Variants in EFCAB14 observed in about 807,000 individuals in gnomAD.
EFCAB14 encodes the protein EF-hand calcium binding domain 14.
Under a neutral mutation model 56.5 loss-of-function variants are expected in EFCAB14, and 43 were observed. The observed-to-expected ratio is 0.76, with a 90% CI of 0.60 to 0.98. EFCAB14 has a LOEUF of 0.98. EFCAB14 is among the 50% of genes least tolerant of loss of function. The pLI is 0.00. For missense variants in EFCAB14, 538 were observed against 580.3 expected (o/e 0.93, Z 0.75); for synonymous variants, 235 against 212.9 (o/e 1.10, Z -0.90).
intron 4 of EFCAB14, among the ~76,000 whole-genome samples, chr1:46,695,756 T>A (rs1297534807): frequency 1.3e-5 from 2 of 152,174 alleles, no homozygotes; most frequent in African/African-American, 4.8e-5. Context: ...CACAGCTCAC[T>A]GTAGCCTCAA....
intron 9 of EFCAB14, 75 bp downstream of exon 9, chr1:46,684,416 C>T: frequency 8.2e-7 from 1 of 1,212,154 alleles, no homozygotes. Context: ...TGCTGGAACA[C>T]CTTCCCTGCT....
chr1:46,689,744 TTAAC>T (rs1277352804), intron 5 of EFCAB14, 53 bp from the exon 6 acceptor site: 5 of 1,478,314 alleles, frequency 3.4e-6, no homozygotes, highest in African/African-American at 2.8e-5. Flanking sequence ...TTAGGTCTAC[TTAAC>T]TATCTGAGAT....
Position 46,696,659 on chromosome 1 carries a change from A to G in EFCAB14, c.481-10T>C. On this transcript the variant is annotated splice_polypyrimidine_tract_variant and intron_variant, in intron 3 of 10. Coordinates refer to ENST00000371933, the MANE Select transcript of EFCAB14 (RefSeq NM_014774.3). The stretch of plus-strand genomic sequence containing the variant: ...AAGTCAACAGAGAAATCTGAACAAA[A>G]AAGAGTAACAAACAATGAAAACAAA... 1.9e-6 allele frequency: 3 copies of G among 1,611,284 alleles called. No individual in the cohort carries two copies. The highest frequency in any genetic ancestry group is 2.5e-6 in the Non-Finnish European group (3 of 1,177,720).
In EFCAB14 at chr1:46,683,354, C is replaced by T; in HGVS notation, c.1258G>A (p.Glu420Lys). Residue 420 changes from glutamate (E) to lysine (K), a missense_variant, in exon 10 of 11, where the codon GAG (glutamate) becomes AAG (lysine). Coordinates refer to ENST00000371933, the MANE Select transcript of EFCAB14 (RefSeq NM_014774.3). Reference sequence around the variant, plus strand: ...ATAGGTCTTAGTTGGGCAGCTTTCTCAACTGGGTCTCCAAGAAACTGTGAA... The same window carrying T: ...ATAGGTCTTAGTTGGGCAGCTTTCTTAACTGGGTCTCCAAGAAACTGTGAA... ...KFSQFLGDPV[E>K]KAAQLRPISL... The T allele has an allele frequency of 1.9e-6, 3 of 1,614,068 alleles. No individual in the cohort carries two copies. The highest frequency in any genetic ancestry group is 1.7e-6 in the Non-Finnish European group (2 of 1,179,982).
At position 46,688,337 on chromosome 1, in the gene EFCAB14, A is replaced by T; in HGVS notation, c.987+16T>A. On this transcript the variant is annotated intron_variant, in intron 7 of 10. Coordinates refer to ENST00000371933, the MANE Select transcript of EFCAB14 (RefSeq NM_014774.3). ...CAAAACACACTGCATGTCACAAAAGATCAGAAAAGGCTTACCATGCTGAAG... is the reference window on the plus strand; with the variant it reads ...CAAAACACACTGCATGTCACAAAAGTTCAGAAAAGGCTTACCATGCTGAAG... The T allele has an allele frequency of 1.2e-6, 2 of 1,610,510 alleles. No individual in the cohort carries two copies.
intron 2 of EFCAB14, among the ~76,000 whole-genome samples, chr1:46,708,985 T>C (rs1450081264): frequency 3.3e-5 from 5 of 151,966 alleles, no homozygotes; most frequent in African/African-American, 4.8e-5. Flanking sequence ...TTAGTTATTA[T>C]ATGCTTCCTT....
At chr1:46,689,077 C>A (rs1441280370) in intron 6 of EFCAB14, among the ~76,000 whole-genome samples, 2 of 152,194 alleles carry the variant, frequency 1.3e-5, no homozygotes, top group African/African-American at 4.8e-5. Context: ...AAACTCAGGA[C>A]AGGAATTCTT....
At position 46,718,684 on chromosome 1, in the gene EFCAB14, G is replaced by C. The variant is rs947030628; in HGVS notation, c.-597C>G. 6.6e-6 allele frequency: 1 copy of C among 152,526 alleles called. No individual in the cohort carries two copies. Among genetic ancestry groups the C allele is most frequent in the Non-Finnish European group, 1.5e-5 (1 of 68,314 alleles). 9.4% of individuals were successfully genotyped at this position (152,526 alleles called of 1,614,324 possible). A position where few individuals can be genotyped will look rare whatever the true frequency, so the allele number is the denominator to read the frequency against. ...ACAATCCCAACACTGCTTGGCCGCA[G>C]AGAAAATGCCCTGGCCAGGAAGCCG... On this transcript the variant is annotated 5_prime_UTR_variant, in exon 1 of 11. Transcript: ENST00000371933.
At chr1:46,699,720 T>C (rs1052979977) in intron 3 of EFCAB14, among the ~76,000 whole-genome samples, 1 of 152,244 alleles carries the variant, frequency 6.6e-6, no homozygotes, top group Admixed American at 6.5e-5. Flanking sequence ...TTTCAAAATA[T>C]GTCTACAAAT....
intron 10 of EFCAB14, among the ~76,000 whole-genome samples, chr1:46,681,298 A>G (rs544944573): frequency 2.6e-5 from 4 of 152,326 alleles, no homozygotes; most frequent in Non-Finnish European, 5.9e-5. Context: ...TGTCCCCATA[A>G]TCAAATAGAA....
chr1:46,683,514 G>A (rs1676830542), intron 9 of EFCAB14, 89 bp from the exon 10 acceptor site: 8 of 1,313,262 alleles, frequency 6.1e-6, no homozygotes, highest in Non-Finnish European at 8.4e-6. Context: ...AGGAAAATTG[G>A]ATATACAATT....
At chr1:46,701,478 G>A (rs778529776) in intron 3 of EFCAB14, among the ~76,000 whole-genome samples, 5 of 152,200 alleles carry the variant, frequency 3.3e-5, no homozygotes, top group Non-Finnish European at 7.3e-5. Context: ...GGAAGAAGCT[G>A]TTCTTTGGGT....
At chr1:46,710,850 T>C (rs2148850410) in intron 2 of EFCAB14, among the ~76,000 whole-genome samples, 1 of 152,246 alleles carries the variant, frequency 6.6e-6, no homozygotes, top group Non-Finnish European at 1.5e-5. Context: ...CCATACCCAG[T>C]GAGATAAACT....
chr1:46,700,286 T>A (rs894294897), intron 3 of EFCAB14, among the ~76,000 whole-genome samples: 2 of 152,166 alleles, frequency 1.3e-5, no homozygotes, highest in African/African-American at 4.8e-5. Flanking sequence ...AGATGAAATA[T>A]CAAATAAGTG....
intron 3 of EFCAB14, among the ~76,000 whole-genome samples, chr1:46,707,000 T>G (rs1677241898): frequency 1.3e-5 from 2 of 152,198 alleles, no homozygotes; most frequent in Admixed American, 1.3e-4. Context: ...TGGTCTTAAG[T>G]GCTGAACTGC....
At chr1:46,715,037 A>G (rs1009700132) in intron 2 of EFCAB14, among the ~76,000 whole-genome samples, 3 of 152,204 alleles carry the variant, frequency 2.0e-5, no homozygotes, top group Non-Finnish European at 4.4e-5. Flanking sequence ...CTTTAAAATG[A>G]TAACACTCAT....
chr1:46,689,008 TC>T (rs1385449558), intron 6 of EFCAB14, among the ~76,000 whole-genome samples: 1 of 152,226 alleles, frequency 6.6e-6, no homozygotes, highest in Non-Finnish European at 1.5e-5. Context: ...TTTACTGACA[TC>T]CTCCAGTACT....
In EFCAB14 at chr1:46,683,440, T is replaced by C. The variant is rs1676828816; in HGVS notation, c.1187-15A>G. ...CTCTACTTGCTCTGTAACAAATACA[T>C]AAGGTTTTATTTAGTATTATTGAAT... On this transcript the variant is annotated splice_polypyrimidine_tract_variant and intron_variant, in intron 9 of 10. Coordinates refer to ENST00000371933, the MANE Select transcript of EFCAB14 (RefSeq NM_014774.3). 2 of 1,611,120 alleles carry C rather than the reference T, an allele frequency of 1.2e-6. No homozygotes were observed. Among genetic ancestry groups the C allele is most frequent in the Non-Finnish European group, 1.7e-6 (2 of 1,178,978 alleles).
At chr1:46,707,255 G>A (rs762599000) in intron 3 of EFCAB14, among the ~76,000 whole-genome samples, 2 of 152,196 alleles carry the variant, frequency 1.3e-5, no homozygotes, top group Non-Finnish European at 2.9e-5. Context: ...AATGGAAAAA[G>A]TAGGGATGGG....
Sources: gnomAD v4.1 joint callset for allele counts (sites outside exome capture counted in the v4.1 genomes callset) on GRCh38, gnomAD v4.1.1 for gene constraint, MANE v1.5 for transcripts, NCBI Gene and HGNC (gene_info 2026-07-23, HGNC 2026-07-21) for gene names.